The following HEBP1 variants were observed in gnomAD, a reference collection of about 807,000 sequenced individuals.
The protein encoded by HEBP1 is heme binding protein 1.
A neutral mutation model predicts 20.4 loss-of-function variants in HEBP1; 13 were observed. The ratio of observed to expected loss-of-function variants is 0.64; its 90% CI spans 0.42 to 1.01. The LOEUF (loss-of-function observed/expected upper bound fraction) is 1.01, where lower values mean the gene tolerates loss of function less well. Ranked by LOEUF, HEBP1 falls within the 50% of genes least tolerant of loss-of-function variation. The pLI is 0.00. For synonymous variants in HEBP1, 92 were observed against 90.7 expected (o/e 1.01, Z -0.08); for missense variants, 241 against 247.3 (o/e 0.97, Z 0.17).
In HEBP1 at chr12:13,000,169, G is replaced by A; in HGVS notation, c.-55C>T. The A allele has an allele frequency of 1.6e-6, 2 of 1,254,584 alleles. No homozygotes were observed. Among genetic ancestry groups the A allele is most frequent in the Non-Finnish European group, 2.2e-6 (2 of 892,714 alleles). 77.7% of individuals were successfully genotyped at this position (1,254,584 alleles called of 1,614,324 possible). A position where few individuals can be genotyped will look rare whatever the true frequency, so the allele number is the denominator to read the frequency against. ...GAGGACGTGAGGTGGCGGGGGCGAC[G>A]GAGCACCACGGGCAGCGACCACCGG... is the stretch of plus-strand genomic sequence containing the variant. On this transcript the variant is annotated 5_prime_UTR_variant, in exon 1 of 4. Coordinates refer to ENST00000014930, the MANE Select transcript of HEBP1 (RefSeq NM_015987.5).
chr12:12,995,692 A>C (rs1297874417), intron 1 of HEBP1, among the ~76,000 whole-genome samples: 2 of 152,350 alleles, frequency 1.3e-5, no homozygotes, highest in East Asian at 3.9e-4. Flanking sequence ...ATTTAAATGT[A>C]TTTAACCAGA....
chr12:13,000,192 CG>C lies in HEBP1; in HGVS notation c.-79del. The stretch of plus-strand genomic sequence containing the variant: ...ACGGAGCACCACGGGCAGCGACCAC[CG>C]GCGGCAGGGCGGCAGGGCGGCAGGG... On this transcript the variant is annotated 5_prime_UTR_variant, in exon 1 of 4. Coordinates refer to ENST00000014930, the MANE Select transcript of HEBP1 (RefSeq NM_015987.5). 2 of 584,878 alleles carry C rather than the reference CG, an allele frequency of 3.4e-6. 1 individual carries two copies. The allele number at this position is 584,878 out of a possible 1,614,324, so 36.2% of individuals were successfully genotyped here.
chr12:12,991,239 T>C (rs1241766607), intron 1 of HEBP1, among the ~76,000 whole-genome samples: 4 of 152,254 alleles, frequency 2.6e-5, no homozygotes, highest in Non-Finnish European at 5.9e-5. Context: ...ATGTATTTTT[T>C]ATTGCTGTAT....
chr12:13,000,143 G>T lies in HEBP1; in HGVS notation c.-29C>A. On this transcript the variant is annotated 5_prime_UTR_variant, in exon 1 of 4. Transcript: ENST00000014930. ...GTAGCCGAGACGCTCCCGACGCACG[G>T]GAGGACGTGAGGTGGCGGGGGCGAC... 6.4e-7 allele frequency: 1 copy of T among 1,570,626 alleles called. No homozygotes were observed. Among genetic ancestry groups the T allele is most frequent in the Non-Finnish European group, 8.7e-7 (1 of 1,152,324 alleles).
At chr12:12,999,671 G>C (rs1048218301) in intron 1 of HEBP1, among the ~76,000 whole-genome samples, 30 of 152,350 alleles carry the variant, frequency 2.0e-4, no homozygotes, top group African/African-American at 6.3e-4. Flanking sequence ...GGAGTTTCTT[G>C]CGACACTCAT....
Position 12,987,865 on chromosome 12 carries a change from A to T in HEBP1, c.218-533T>A, listed in dbSNP as rs183720228. 7.2e-5 allele frequency among the ~76,000 whole-genome samples: 11 copies of T among 152,088 alleles called. No individual in the cohort carries two copies. The East Asian group carries it at 2.1e-3, about 29-fold the overall frequency. ...TTGGCCAGGCTCGTCTTAAACTCCT[A>T]CCTCAAGTGATTTGCCCATCTTGGC... On this transcript the variant is annotated intron_variant, in intron 2 of 3. Coordinates refer to ENST00000014930, the MANE Select transcript of HEBP1 (RefSeq NM_015987.5).
At chr12:12,994,978 G>A (rs150524907) in intron 1 of HEBP1, among the ~76,000 whole-genome samples, 63 of 152,328 alleles carry the variant, frequency 4.1e-4, no homozygotes, top group Non-Finnish European at 6.8e-4. Context: ...TGCCCTTGAT[G>A]ATGCAGGCAC....
At chr12:12,990,222 G>A (rs902709286) in intron 1 of HEBP1, among the ~76,000 whole-genome samples, 1 of 151,852 alleles carries the variant, frequency 6.6e-6, no homozygotes, top group Non-Finnish European at 1.5e-5. Flanking sequence ...CCAGGCTGGT[G>A]TGCAGTGGTA....
rs1348171987 is a variant in HEBP1, at chr12:12,975,501, C to T, written c.399-22G>A. Reference sequence around the variant, plus strand: ...CTGCCTGGGGGTTCAAGAGCAAGGGCTGGTTACGAAAGGACATGACCTCTG... The same window carrying T: ...CTGCCTGGGGGTTCAAGAGCAAGGGTTGGTTACGAAAGGACATGACCTCTG... On this transcript the variant is annotated intron_variant, in intron 3 of 3. Transcript: ENST00000014930. 4.4e-6 allele frequency: 7 copies of T among 1,590,756 alleles called. No individual in the cohort carries two copies. The Admixed American group carries it at 1.1e-4, about 26-fold the overall frequency.
At chr12:12,980,164 A>G (rs1020196086) in intron 3 of HEBP1, 3 of 152,262 alleles carry the variant, frequency 2.0e-5, no homozygotes, top group Non-Finnish European at 4.4e-5. Context: ...TGACAGCCTC[A>G]CTGCAACAGG....
At chr12:12,989,090 A>G (rs1652994823) in intron 2 of HEBP1, among the ~76,000 whole-genome samples, 187 bp downstream of exon 2, 1 of 152,212 alleles carries the variant, frequency 6.6e-6, no homozygotes. Flanking sequence ...GACTGGGCTG[A>G]TATCAGAGTG....
At position 12,976,099 on chromosome 12, in the gene HEBP1, AC is replaced by A. The variant is rs375604379; in HGVS notation, c.399-621del. Among the ~76,000 whole-genome samples the A allele has an allele frequency of 1.6e-3, 228 of 140,452 alleles. 1 individual carries two copies. The highest frequency in any genetic ancestry group is 5.0e-3 in the African/African-American group (199 of 40,090). 92.1% of individuals were successfully genotyped at this position (140,452 alleles called of 152,430 possible). On this transcript the variant is annotated intron_variant, in intron 3 of 3. Coordinates refer to ENST00000014930, the MANE Select transcript of HEBP1 (RefSeq NM_015987.5). ...TGTCAAAAAAAAAAAAAAAAAAAAA[AC>A]AAACCAAAAACCAAAACTAAAAAAG...
At chr12:12,994,791 G>A (rs944908871) in intron 1 of HEBP1, among the ~76,000 whole-genome samples, 1 of 152,154 alleles carries the variant, frequency 6.6e-6, no homozygotes, top group Non-Finnish European at 1.5e-5. Flanking sequence ...CACAGGTCTG[G>A]AGCTCAGCAG....
At chr12:12,976,755 C>T (rs1056728300) in intron 3 of HEBP1, among the ~76,000 whole-genome samples, 9 of 152,096 alleles carry the variant, frequency 5.9e-5, no homozygotes, top group Non-Finnish European at 1.2e-4. Context: ...CTTGATTCTT[C>T]AAATATATTG....
At chr12:12,982,952 A>G (rs1175316189) in intron 3 of HEBP1, among the ~76,000 whole-genome samples, 2 of 152,194 alleles carry the variant, frequency 1.3e-5, no homozygotes, top group Admixed American at 6.5e-5. Flanking sequence ...TCACAACACC[A>G]TAAAAGCTAG....
At chr12:12,982,998 G>T (rs1483223636) in intron 3 of HEBP1, among the ~76,000 whole-genome samples, 1 of 152,186 alleles carries the variant, frequency 6.6e-6, no homozygotes, top group Non-Finnish European at 1.5e-5. Context: ...GGAAACTGAG[G>T]TACAGTGAGG....
chr12:12,984,190 A>G (rs1255866863), intron 3 of HEBP1: 4 of 154,634 alleles, frequency 2.6e-5, no homozygotes, highest in African/African-American at 7.2e-5. Flanking sequence ...GGCTTTTTCT[A>G]TATGAAATAA....
intron 3 of HEBP1, among the ~76,000 whole-genome samples, chr12:12,975,884 T>C (rs1592396524): frequency 6.6e-6 from 1 of 152,036 alleles, no homozygotes; most frequent in South Asian, 2.1e-4. Flanking sequence ...GTACCTCTTT[T>C]CTGCTGCTCT....
Position 12,989,303 on chromosome 12 carries a change from T to C in HEBP1, c.191A>G (p.Lys64Arg), listed in dbSNP as rs981780646. The C allele has an allele frequency of 6.2e-7, 1 of 1,614,202 alleles. No individual in the cohort carries two copies. Among genetic ancestry groups the C allele is most frequent in the African/African-American group, 1.3e-5 (1 of 75,056 alleles). Reference sequence around the variant, plus strand: ...CTTGTCATTGGTGCCCCCCGCATACTTTGCGACCTTGGGCATTGCTTCCCG... The same window carrying C: ...CTTGTCATTGGTGCCCCCCGCATACCTTGCGACCTTGGGCATTGCTTCCCG... ...ALREAMPKVA[K>R]YAGGTNDKGI... Residue 64 changes from lysine (K) to arginine (R), a missense_variant, in exon 2 of 4, where the codon AAG becomes AGG. By Grantham distance (26) the Lys-to-Arg change is conservative. Coordinates refer to ENST00000014930, the MANE Select transcript of HEBP1 (RefSeq NM_015987.5).
Sources: gnomAD v4.1 joint callset for allele counts (sites outside exome capture counted in the v4.1 genomes callset) on GRCh38, gnomAD v4.1.1 for gene constraint, MANE v1.5 for transcripts, NCBI Gene and HGNC (gene_info 2026-07-23, HGNC 2026-07-21) for gene names.